Variants in NAE1 observed in about 807,000 individuals in gnomAD.
NAE1 encodes NEDD8-activating enzyme E1 regulatory subunit.
In NAE1, 59 loss-of-function variants were observed where a neutral mutation model predicts 88.0. The ratio of observed to expected loss-of-function variants is 0.67; its 90% CI spans 0.54 to 0.83. The LOEUF is 0.83. NAE1 is among the 40% of genes least tolerant of loss of function. The pLI is 0.00. For synonymous variants in NAE1, 186 were observed against 208.9 expected (o/e 0.89, Z 0.95); for missense variants, 554 against 632.8 (o/e 0.88, Z 1.34).
chr16:66,815,802 C>T (rs1424281450), intron 11 of NAE1, among the ~76,000 whole-genome samples: 14 of 151,926 alleles, frequency 9.2e-5, no homozygotes. Context: ...GCTGGGATTA[C>T]AGGTGCCCAC....
At chr16:66,803,962 AAGAC>A (rs1226968281) in intron 19 of NAE1, among the ~76,000 whole-genome samples, 2 of 152,138 alleles carry the variant, frequency 1.3e-5, no homozygotes, top group Non-Finnish European at 1.5e-5. Flanking sequence ...GTAAGGAAAA[AAGAC>A]AAGAAGATCC....
chr16:66,819,641 A>C (rs1229298300), intron 7 of NAE1, among the ~76,000 whole-genome samples: 1 of 152,208 alleles, frequency 6.6e-6, no homozygotes, highest in Non-Finnish European at 1.5e-5. Context: ...TGAGCTCTCT[A>C]ACCCAAAAAT....
At chr16:66,803,893 G>C (rs934353125) in intron 19 of NAE1, among the ~76,000 whole-genome samples, 1 of 152,032 alleles carries the variant, frequency 6.6e-6, no homozygotes, top group East Asian at 1.9e-4. Context: ...GCGCTCAGCC[G>C]ACTGGATAGA....
chr16:66,821,703 AG>A (rs1255285710), intron 6 of NAE1, 144 bp from the exon 7 acceptor site: 1 of 630,186 alleles, frequency 1.6e-6, no homozygotes, highest in Non-Finnish European at 2.5e-6. Flanking sequence ...TTACATAAGC[AG>A]GTCAAGAACA....
At chr16:66,830,582 C>T (rs567561755) in intron 1 of NAE1, among the ~76,000 whole-genome samples, 162 of 152,336 alleles carry the variant, frequency 1.1e-3, no homozygotes, top group African/African-American at 3.5e-3. Flanking sequence ...ACGGGGCCGG[C>T]AGCCGCCTTA....
intron 19 of NAE1, among the ~76,000 whole-genome samples, chr16:66,804,026 CAAAT>C (rs1377835830): frequency 6.6e-6 from 1 of 152,008 alleles, no homozygotes; most frequent in Non-Finnish European, 1.5e-5. Context: ...AATTTATTTA[CAAAT>C]AAATAGAATG....
chr16:66,823,276 A>G lies in NAE1; in HGVS notation c.352T>C (p.Ser118Pro). The G allele has an allele frequency of 1.2e-6, 2 of 1,605,130 alleles. No individual in the cohort carries two copies. Among genetic ancestry groups the G allele is most frequent in the South Asian group, 1.1e-5 (1 of 88,086 alleles). The change falls in exon 6 of 20, where the codon TCA (serine) becomes CCA (proline). Residue 118 changes from serine to proline, a missense_variant. Ser to Pro is a moderately conservative substitution (Grantham distance 74, BLOSUM62 -1). Transcript: ENST00000290810. ...SPENLLDNDP[S>P]FFCRFTVVVA... The stretch of plus-strand genomic sequence containing the variant: ...ACAACAGTAAACCTACAGAAAAATG[A>G]GGGATCATTGTCTAGAAGGTTTTCT...
rs777340730 is a variant in NAE1, at chr16:66,830,910, G to A, written c.-11C>T. 5.2e-6 allele frequency: 8 copies of A among 1,531,940 alleles called. No individual in the cohort carries two copies. Among genetic ancestry groups the A allele is most frequent in the East Asian group, 2.6e-5 (1 of 37,816 alleles). The allele number at this position is 1,531,940 out of a possible 1,614,324, so 94.9% of individuals were successfully genotyped here. On this transcript the variant is annotated 5_prime_UTR_variant, in exon 1 of 20. Transcript: ENST00000290810. ...TCCCAGCTGCGCCATGGCCGCGCCT[G>A]CCGCGCGGAAAACAGCCGAGCCCCT...
In NAE1 at chr16:66,817,562, T is replaced by C. The variant is rs1960096406; in HGVS notation, c.622-75A>G. ...ACTGTACCATCTCGTTTTCAACAAA[T>C]TCAACAATATTTATGATCTCCTAAT... On this transcript the variant is annotated intron_variant, in intron 8 of 19. Transcript: ENST00000290810. The C allele has an allele frequency of 5.0e-6, 5 of 994,922 alleles. No individual in the cohort carries two copies. The South Asian group carries it at 8.4e-5, about 17-fold the overall frequency. 61.6% of individuals were successfully genotyped at this position (994,922 alleles called of 1,614,324 possible). A position where few individuals can be genotyped will look rare whatever the true frequency, so the allele number is the denominator to read the frequency against.
intron 3 of NAE1, among the ~76,000 whole-genome samples, chr16:66,825,809 A>C (rs561035306): frequency 2.0e-5 from 3 of 152,216 alleles, no homozygotes; most frequent in Non-Finnish European, 2.9e-5. Context: ...CACTGGCTCC[A>C]TAAGAAGAAA....
chr16:66,818,734 G>C, intron 7 of NAE1, 97 bp from the exon 8 acceptor site: 1 of 1,411,562 alleles, frequency 7.1e-7, no homozygotes, highest in African/African-American at 1.5e-5. Flanking sequence ...AAGTACAGTG[G>C]CACAATCACA....
chr16:66,809,870 C>A (rs867669720), intron 15 of NAE1, among the ~76,000 whole-genome samples: 9 of 152,084 alleles, frequency 5.9e-5, no homozygotes, highest in Non-Finnish European at 1.0e-4. Context: ...GAAACTGACT[C>A]TTAAATAAAA....
Position 66,823,309 on chromosome 16 carries a change from A to T in NAE1, c.322-3T>A. On this transcript the variant is annotated splice_polypyrimidine_tract_variant and splice_region_variant and intron_variant, in intron 5 of 19. Coordinates refer to ENST00000290810, the MANE Select transcript of NAE1 (RefSeq NM_003905.4). ...TTGTCTAGAAGGTTTTCTGGACTCT[A>T]AACAGGACAGCAAAGAAAAAAACAA... 1.9e-6 allele frequency: 3 copies of T among 1,592,502 alleles called. No homozygotes were observed. The African/African-American group carries it at 4.1e-5, about 22-fold the overall frequency.
chr16:66,813,741 T>C (rs759961885), intron 12 of NAE1, 44 bp from the exon 13 acceptor site: 4 of 1,611,374 alleles, frequency 2.5e-6, no homozygotes, highest in Non-Finnish European at 3.4e-6. Flanking sequence ...CGTTTTACTT[T>C]GACCCAAAGT....
chr16:66,826,407 C>A (rs1394611074), intron 3 of NAE1, 116 bp downstream of exon 3: 2 of 966,258 alleles, frequency 2.1e-6, no homozygotes, highest in Non-Finnish European at 3.1e-6. Context: ...TCACCATAAT[C>A]CCAAACATAA....
chr16:66,821,421 T>C (rs780987489), intron 7 of NAE1, 29 bp downstream of exon 7: 12 of 1,509,574 alleles, frequency 7.9e-6, no homozygotes, highest in South Asian at 1.3e-5. Flanking sequence ...AAGCAACCAA[T>C]AGTAAGCCCA....
At chr16:66,821,345 G>A in intron 7 of NAE1, 105 bp downstream of exon 7, 3 of 1,338,820 alleles carry the variant, frequency 2.2e-6, no homozygotes, top group Middle Eastern at 2.8e-4. Context: ...GAGATGTGCT[G>A]CTACAAATTT....
chr16:66,821,634 G>A (rs1960265868), intron 6 of NAE1, 75 bp from the exon 7 acceptor site: 1 of 1,253,056 alleles, frequency 8.0e-7, no homozygotes, highest in Non-Finnish European at 1.1e-6. Flanking sequence ...TGCAAAACAT[G>A]AAAATGTCTT....
intron 11 of NAE1, among the ~76,000 whole-genome samples, 181 bp from the exon 12 acceptor site, chr16:66,814,027 T>TG (rs1374722829): frequency 1.3e-5 from 2 of 152,200 alleles, no homozygotes; most frequent in African/African-American, 4.8e-5. Context: ...GGGGAAAGAA[T>TG]GGAAGAAAGA....
Sources: gnomAD v4.1 joint callset for allele counts (sites outside exome capture counted in the v4.1 genomes callset) on GRCh38, gnomAD v4.1.1 for gene constraint, MANE v1.5 for transcripts, NCBI Gene and HGNC (gene_info 2026-07-23, HGNC 2026-07-21) for gene names.